ZNF609: variants seen among roughly 807,000 people sequenced by gnomAD.
ZNF609 encodes zinc finger protein 609.
Under a neutral mutation model 109.5 loss-of-function variants are expected in ZNF609, and 11 were observed. The observed-to-expected ratio is 0.10, with a 90% confidence interval of 0.06 to 0.17. ZNF609 has a LOEUF of 0.17. Among genes scored for constraint, ZNF609 ranks in the 10% least tolerant of loss-of-function variants. The pLI is 1.00. For missense variants in ZNF609, 1,559 were observed against 1,772.4 expected (o/e 0.88, Z 2.16); for synonymous variants, 646 against 662.0 (o/e 0.98, Z 0.37).
chr15:64,604,945 C>A (rs770105871), intron 2 of ZNF609, among the ~76,000 whole-genome samples: 9 of 152,122 alleles, frequency 5.9e-5, no homozygotes, highest in Non-Finnish European at 1.0e-4. Flanking sequence ...CATTCTCCTG[C>A]CTCAGCCTCC....
At chr15:64,615,770 A>T (rs1895789346) in intron 2 of ZNF609, among the ~76,000 whole-genome samples, 1 of 152,206 alleles carries the variant, frequency 6.6e-6, no homozygotes. Flanking sequence ...TATAGGCGTG[A>T]GCCACTGTGC....
At chr15:64,625,928 T>G (rs1233500547) in intron 3 of ZNF609, among the ~76,000 whole-genome samples, 1 of 73,620 alleles carries the variant, frequency 1.4e-5, no homozygotes, top group Non-Finnish European at 2.6e-5. Flanking sequence ...TATATATATA[T>G]ATATATATAG....
chr15:64,640,706 T>A (rs1248991250), intron 3 of ZNF609, among the ~76,000 whole-genome samples: 1 of 152,186 alleles, frequency 6.6e-6, no homozygotes, highest in African/African-American at 2.4e-5. Context: ...TTATTCCTAG[T>A]GGTTTTCAGA....
At chr15:64,485,811 A>G (rs1338132028) in intron 1 of ZNF609, among the ~76,000 whole-genome samples, 6 of 152,182 alleles carry the variant, frequency 3.9e-5, no homozygotes, top group African/African-American at 1.4e-4. Flanking sequence ...AATAGTAATA[A>G]TAATGCAGAG....
At chr15:64,501,052 G>C (rs1293770712) in intron 2 of ZNF609, 2 of 152,952 alleles carry the variant, frequency 1.3e-5, no homozygotes, top group Non-Finnish European at 2.9e-5. Flanking sequence ...GTCAGCTCAG[G>C]CAGCATTAAA....
At chr15:64,500,352 C>G (rs1388656259) in intron 2 of ZNF609, 186 bp downstream of exon 2, 1 of 842,818 alleles carries the variant, frequency 1.2e-6, no homozygotes, top group East Asian at 2.6e-5. Flanking sequence ...CCTACAGACT[C>G]ATTTACAGCA....
At chr15:64,579,051 A>C (rs1280570058) in intron 2 of ZNF609, among the ~76,000 whole-genome samples, 1 of 151,552 alleles carries the variant, frequency 6.6e-6, no homozygotes, top group Non-Finnish European at 1.5e-5. Flanking sequence ...AAAATTAAAA[A>C]AATTTTCATT....
At chr15:64,545,027 G>T (rs1894332365) in intron 2 of ZNF609, among the ~76,000 whole-genome samples, 2 of 152,202 alleles carry the variant, frequency 1.3e-5, no homozygotes, top group Admixed American at 6.5e-5. Context: ...AGGTAAAAGA[G>T]ATTAAGACTT....
intron 3 of ZNF609, among the ~76,000 whole-genome samples, chr15:64,632,368 G>A (rs1425265772): frequency 6.6e-6 from 1 of 152,216 alleles, no homozygotes; most frequent in East Asian, 1.9e-4. Context: ...TTTTTTAATA[G>A]TTGAAAAAAT....
intron 3 of ZNF609, among the ~76,000 whole-genome samples, chr15:64,666,074 C>CA (rs35347624): frequency 0.73 from 98,233 of 134,266 alleles, 39,120 homozygotes; most frequent in East Asian, 0.96. Context: ...GACTTCGTCT[C>CA]AAAAAAAAAA....
chr15:64,679,416 T>C (rs1157253693), intron 6 of ZNF609, among the ~76,000 whole-genome samples: 1 of 152,220 alleles, frequency 6.6e-6, no homozygotes, highest in Non-Finnish European at 1.5e-5. Flanking sequence ...TATTTAACTC[T>C]ACTCGTTTTG....
chr15:64,671,317 C>CA (rs1896727547), intron 4 of ZNF609: 1 of 151,670 alleles, frequency 6.6e-6, no homozygotes, highest in East Asian at 1.9e-4. Context: ...AGAAGATTAG[C>CA]ATGGCCCCTG....
At chr15:64,617,795 CA>C (rs1205243845) in intron 2 of ZNF609, among the ~76,000 whole-genome samples, 1 of 152,020 alleles carries the variant, frequency 6.6e-6, no homozygotes, top group Non-Finnish European at 1.5e-5. Flanking sequence ...AACAAACAAA[CA>C]AACAAAAAGT....
chr15:64,640,274 A>G (rs1452756545), intron 3 of ZNF609, among the ~76,000 whole-genome samples: 2 of 152,110 alleles, frequency 1.3e-5, no homozygotes, highest in South Asian at 2.1e-4. Flanking sequence ...CCTGGGCTCA[A>G]GCAGCCTCCC....
chr15:64,607,895 C>CTTTTTT (rs71133457), intron 2 of ZNF609, among the ~76,000 whole-genome samples: 1 of 12,258 alleles, frequency 8.2e-5, no homozygotes, highest in African/African-American at 1.6e-4. Flanking sequence ...TCTTTTCTTT[C>CTTTTTT]TTTTTTTTTT....
intron 2 of ZNF609, among the ~76,000 whole-genome samples, chr15:64,550,375 T>G (rs539532485): frequency 1.3e-3 from 192 of 152,138 alleles, no homozygotes; most frequent in Admixed American, 3.4e-3. Flanking sequence ...CTTTATATAT[T>G]TTGGATATTA....
At chr15:64,580,830 G>T (rs1444145280) in intron 2 of ZNF609, among the ~76,000 whole-genome samples, 2 of 151,894 alleles carry the variant, frequency 1.3e-5, no homozygotes, top group East Asian at 3.9e-4. Flanking sequence ...ACCACGCCCA[G>T]CCTCTCAGTT....
At chr15:64,464,687 C>CA (rs11428331) in intron 1 of ZNF609, among the ~76,000 whole-genome samples, 116,096 of 152,066 alleles carry the variant, frequency 0.76, 46,932 homozygotes, top group East Asian at 0.96. Flanking sequence ...CTGTGACAGA[C>CA]AAAATGAAGA....
At chr15:64,665,920 A>T (rs1411822079) in intron 3 of ZNF609, among the ~76,000 whole-genome samples, 2 of 151,630 alleles carry the variant, frequency 1.3e-5, no homozygotes, top group African/African-American at 4.8e-5. Context: ...AATAAAAATT[A>T]AAATTAAAAA....
Sources: gnomAD v4.1 joint callset for allele counts (sites outside exome capture counted in the v4.1 genomes callset) on GRCh38, gnomAD v4.1.1 for gene constraint, MANE v1.5 for transcripts, NCBI Gene and HGNC (gene_info 2026-07-23, HGNC 2026-07-21) for gene names.